SNRPN: variants seen among roughly 807,000 people sequenced by gnomAD.
SNRPN encodes small nuclear ribonucleoprotein-associated protein N.
A neutral mutation model predicts 25.2 loss-of-function variants in SNRPN; 7 were observed. The observed-to-expected ratio is 0.28, with a 90% CI of 0.16 to 0.52. SNRPN has a LOEUF of 0.52. Ranked by LOEUF, SNRPN falls within the 20% of genes least tolerant of loss-of-function variation. The pLI is 0.96. For synonymous variants in SNRPN, 124 were observed against 110.6 expected (o/e 1.12, Z -0.76); for missense variants, 196 against 322.5 (o/e 0.61, Z 3.00).
At chr15:24,912,084 G>T (rs1484225686) in intron 2 of SNRPN, among the ~76,000 whole-genome samples, 3 of 152,184 alleles carry the variant, frequency 2.0e-5, no homozygotes, top group African/African-American at 4.8e-5. Flanking sequence ...ATTGAATTTT[G>T]TTGGCCTTGT....
chr15:24,918,982 A>AAT (rs1288281542), intron 2 of SNRPN, among the ~76,000 whole-genome samples: 1 of 107,104 alleles, frequency 9.3e-6, no homozygotes, highest in African/African-American at 4.0e-5. Flanking sequence ...TATATAACAT[A>AAT]ATATATATGT....
At position 24,918,788 on chromosome 15, in the gene SNRPN, GTGTGCATATATATATATAACAATATATA is replaced by G. The variant is rs1566910028; in HGVS notation, c.-504-1221_-504-1194del. 2.5e-4 allele frequency among the ~76,000 whole-genome samples: 7 copies of G among 28,254 alleles called. 1 individual carries two copies. The highest frequency in any genetic ancestry group is 8.2e-4 in the Admixed American group (2 of 2,448). The allele number at this position is 28,254 out of a possible 152,430, so 18.5% of individuals were successfully genotyped here. A position where few individuals can be genotyped will look rare whatever the true frequency, so the allele number is the denominator to read the frequency against. On this transcript the variant is annotated intron_variant, in intron 2 of 11. Coordinates refer to the SNRPN transcript ENST00000400097. The stretch of plus-strand genomic sequence containing the variant: ...CATATATATATAACATAATATATAT[GTGTGCATATATATATATAACAATATATA>G]TATGTGCGCATATATATAATATATA...
chr15:24,885,301 A>C (rs1014386596), intron 1 of SNRPN, among the ~76,000 whole-genome samples: 1 of 152,182 alleles, frequency 6.6e-6, no homozygotes, highest in Admixed American at 6.5e-5. Context: ...GTTAATCTCA[A>C]GATGGAGCTG....
At position 24,872,871 on chromosome 15, in the gene SNRPN, CAAAAAAAA is replaced by C. The variant is rs202062268; in HGVS notation, c.-578-13627_-578-13620del. Among the ~76,000 whole-genome samples, 32 of 59,356 alleles carry C rather than the reference CAAAAAAAA, an allele frequency of 5.4e-4. 5 individuals carry two copies. The highest frequency in any genetic ancestry group is 8.1e-4 in the Non-Finnish European group (23 of 28,260). 38.9% of individuals were successfully genotyped at this position (59,356 alleles called of 152,430 possible). ...TGGGTGACAGAGCGAGACTCCGTCT[CAAAAAAAA>C]AAAAAAAAAAAAAAAAATAGTTTTC... is the stretch of plus-strand genomic sequence containing the variant. On this transcript the variant is annotated intron_variant, in intron 1 of 11. Coordinates refer to the SNRPN transcript ENST00000400097.
At chr15:24,847,537 G>T (rs1308785441) in intron 2 of SNRPN, among the ~76,000 whole-genome samples, 1 of 152,120 alleles carries the variant, frequency 6.6e-6, no homozygotes, top group East Asian at 1.9e-4. Flanking sequence ...CTACTGGGAG[G>T]CTGAGGCAGG....
chr15:24,940,901 G>C (rs1274409189), intron 3 of SNRPN, among the ~76,000 whole-genome samples: 1 of 152,180 alleles, frequency 6.6e-6, no homozygotes, highest in African/African-American at 2.4e-5. Flanking sequence ...GGGAAGAGTT[G>C]CGGTGTTAAG....
At chr15:24,966,428 C>T (rs1056417248) in intron 2 of SNRPN, among the ~76,000 whole-genome samples, 20 of 152,194 alleles carry the variant, frequency 1.3e-4, no homozygotes, top group East Asian at 1.2e-3. Context: ...CTCCAGATGT[C>T]GATGATTTTT....
At chr15:24,907,492 G>A (rs1217649536) in intron 2 of SNRPN, among the ~76,000 whole-genome samples, 1 of 152,084 alleles carries the variant, frequency 6.6e-6, no homozygotes, top group Non-Finnish European at 1.5e-5. Context: ...CAGCTACTCG[G>A]GAGGCTGAGG....
At chr15:24,896,999 A>G (rs1020157558) in intron 2 of SNRPN, among the ~76,000 whole-genome samples, 4 of 152,116 alleles carry the variant, frequency 2.6e-5, no homozygotes, top group South Asian at 4.2e-4. Flanking sequence ...AGTAAAATAC[A>G]AAAATTACCC....
upstream of SNRPN, among the ~76,000 whole-genome samples, chr15:24,950,440 G>A (rs1039958741): frequency 3.3e-5 from 5 of 151,728 alleles, no homozygotes; most frequent in African/African-American, 1.2e-4. Flanking sequence ...CTCCTAAAGT[G>A]CTGGGATTAC....
At chr15:24,960,739 T>C (rs1403671585) in intron 1 of SNRPN, among the ~76,000 whole-genome samples, 2 of 152,322 alleles carry the variant, frequency 1.3e-5, no homozygotes, top group South Asian at 2.1e-4. Context: ...CCTTTTATTG[T>C]TGAGTTGTGA....
chr15:24,926,708 T>G (rs1595948471), intron 3 of SNRPN, among the ~76,000 whole-genome samples: 1 of 152,040 alleles, frequency 6.6e-6, no homozygotes, highest in Non-Finnish European at 1.5e-5. Context: ...CTTACAGAAG[T>G]TAAAAGAATA....
In SNRPN at chr15:24,929,990, C is replaced by A. The variant is rs187049859; in HGVS notation, c.-391+9866C>A. On this transcript the variant is annotated intron_variant, in intron 3 of 11. Transcript: ENST00000400097. This position sits in a 1 kb window ranked among gnomAD's most constrained non-coding sequence, Gnocchi z 5.3. ...ATCACGAGGTCAGGAGATCAAGACC[C>A]TCCTGGCTAACGCGGTGAAACCCTG... 9.7e-3 allele frequency among the ~76,000 whole-genome samples: 1,473 copies of A among 151,686 alleles called. 14 individuals are homozygous for A. Among genetic ancestry groups the A allele is most frequent in the Non-Finnish European group, 0.013 (890 of 67,884 alleles).
intron 2 of SNRPN, among the ~76,000 whole-genome samples, chr15:24,890,959 G>A (rs1047817107): frequency 3.9e-5 from 6 of 152,072 alleles, no homozygotes; most frequent in African/African-American, 1.4e-4. Flanking sequence ...CGCCCAGGCT[G>A]CAGTGCAGTG....
chr15:24,866,695 A>T (rs1162564182), intron 1 of SNRPN, among the ~76,000 whole-genome samples: 1 of 151,922 alleles, frequency 6.6e-6, no homozygotes, highest in Non-Finnish European at 1.5e-5. Flanking sequence ...GCCCAACCCC[A>T]CCCTCAACCC....
intron 3 of SNRPN, among the ~76,000 whole-genome samples, chr15:24,939,935 G>A (rs1381049311): frequency 1.3e-5 from 2 of 151,882 alleles, no homozygotes; most frequent in East Asian, 1.9e-4. Flanking sequence ...GATTACAGAC[G>A]TGTACCACCA....
At chr15:24,860,561 C>T (rs899634839) in intron 1 of SNRPN, among the ~76,000 whole-genome samples, 2 of 152,134 alleles carry the variant, frequency 1.3e-5, no homozygotes, top group South Asian at 2.1e-4. Context: ...TGTCATCAGT[C>T]GAAAATGCAT....
At chr15:24,954,657 A>G (rs575347318), upstream of SNRPN, among the ~76,000 whole-genome samples, 3 of 152,348 alleles carry the variant, frequency 2.0e-5, no homozygotes, top group Middle Eastern at 3.4e-3. Flanking sequence ...GTGAGTGTAA[A>G]TTAGGATTGT....
intron 1 of SNRPN, among the ~76,000 whole-genome samples, chr15:24,879,178 T>C (rs1287722463): frequency 6.6e-6 from 1 of 152,204 alleles, no homozygotes. Flanking sequence ...CTCACGCCTG[T>C]AATCCTAGCA....
Sources: gnomAD v4.1 joint callset for allele counts (sites outside exome capture counted in the v4.1 genomes callset) on GRCh38, gnomAD v4.1.1 for gene constraint, Gnocchi (gnomAD v3.1) non-coding constraint, MANE v1.5 for transcripts, NCBI Gene and HGNC (gene_info 2026-07-23, HGNC 2026-07-21) for gene names.